PUDP: variants seen among roughly 807,000 people sequenced by gnomAD.
The protein encoded by PUDP is pseudouridine 5'-phosphatase.
PUDP carries 8 observed loss-of-function variants against 9.4 expected under a neutral mutation model. The ratio of observed to expected loss-of-function variants is 0.85; its 90% CI spans 0.50 to 1.53. PUDP has a LOEUF of 1.53. Among genes scored for constraint, PUDP ranks in the 40% most tolerant of loss-of-function variants. The probability of loss-of-function intolerance (pLI) is 0.00; values close to 1 mark genes in which losing one functional copy is unlikely to be tolerated. For synonymous variants in PUDP, 99 were observed against 80.7 expected (o/e 1.23, Z -1.22); for missense variants, 188 against 189.7 (o/e 0.99, Z 0.05).
chrX:6,732,641 GGGGAGGAAGGAAGGTAAAAGTAA>G (rs1417183688), intron 3 of PUDP, among the ~76,000 whole-genome samples: 1 of 105,887 alleles, frequency 9.4e-6, no homozygotes, highest in Non-Finnish European at 1.9e-5. Flanking sequence ...AGAGGAAGGA[GGGGAGGAAGGAAGGTAAAAGTAA>G]GGGAGGAAGG....
intron 2 of PUDP, among the ~76,000 whole-genome samples, chrX:7,080,024 C>T (rs895400092): frequency 2.7e-5 from 3 of 111,438 alleles, no homozygotes; most frequent in African/African-American, 9.8e-5. Context: ...ATACAGAAAA[C>T]CAACTAAATC....
chrX:7,024,433 C>T (rs1281980530), intron 1 of PUDP, among the ~76,000 whole-genome samples: 2 of 111,406 alleles, frequency 1.8e-5, no homozygotes, highest in East Asian at 5.6e-4. Context: ...TCTACATCTA[C>T]TAAGATGATC....
At chrX:7,014,220 T>G (rs1365991508) in intron 1 of PUDP, among the ~76,000 whole-genome samples, 6 of 110,349 alleles carry the variant, frequency 5.4e-5, no homozygotes, top group African/African-American at 2.0e-4. Context: ...GCCTGGGGTT[T>G]GGGGTTTATA....
At position 7,050,306 on chromosome X, in the gene PUDP, G is replaced by A. The variant is rs185423088; in HGVS notation, c.677C>T (p.Ser226Phe). The change falls in exon 4 of 4, where the codon TCC becomes TTC. Residue 226 changes from serine to phenylalanine, a missense_variant. Ser to Phe is a radical substitution (Grantham distance 155, BLOSUM62 -2). Transcript: ENST00000381077. ...DFQPELFGLP[S>F]YE Reference sequence around the variant, plus strand: ...CTGAGGCCCTCCCTCTCACTCATAGGAGGGCAAACCAAACAGCTCGGGCTG... The same window carrying A: ...CTGAGGCCCTCCCTCTCACTCATAGAAGGGCAAACCAAACAGCTCGGGCTG... 3 of 1,209,250 alleles carry A rather than the reference G, an allele frequency of 2.5e-6. No homozygotes were observed. The highest frequency in any genetic ancestry group is 1.7e-5 in the African/African-American group (1 of 57,216).
intron 3 of PUDP, among the ~76,000 whole-genome samples, chrX:6,805,028 AG>A (rs1485288196): frequency 9.0e-6 from 1 of 111,516 alleles, no homozygotes; most frequent in African/African-American, 3.3e-5. Flanking sequence ...GCACTTCAGG[AG>A]GTTGAGGCAG....
intron 3 of PUDP, among the ~76,000 whole-genome samples, chrX:6,894,042 G>T (rs764131598): frequency 9.0e-6 from 1 of 111,628 alleles, no homozygotes; most frequent in South Asian, 3.8e-4. Flanking sequence ...AGTGGGAGCT[G>T]ATGGATGAGA....
chrX:6,759,709 T>C (rs192355556), intron 3 of PUDP, among the ~76,000 whole-genome samples: 82 of 112,173 alleles, frequency 7.3e-4, no homozygotes, highest in African/African-American at 2.6e-3. Flanking sequence ...CATGGTTTTA[T>C]TCTGATCTTT....
chrX:7,045,604 T>C (rs1929973720), downstream of PUDP, among the ~76,000 whole-genome samples: 1 of 112,232 alleles, frequency 8.9e-6, no homozygotes, highest in Admixed American at 9.4e-5. Context: ...GAGTTTGCTT[T>C]TTTTCTGTTT....
intron 1 of PUDP, among the ~76,000 whole-genome samples, chrX:7,123,786 A>G (rs1381668744): frequency 8.9e-6 from 1 of 112,122 alleles, no homozygotes; most frequent in Non-Finnish European, 1.9e-5. Flanking sequence ...ACTAAAAAAA[A>G]CCAAACAATT....
At chrX:7,078,828 G>A (rs991663115) in intron 2 of PUDP, among the ~76,000 whole-genome samples, 1 of 111,376 alleles carries the variant, frequency 9.0e-6, no homozygotes, top group Non-Finnish European at 1.9e-5. Context: ...TAAAGCAAAT[G>A]AAATCAAGCA....
rs1038716073 is a variant in PUDP at position 6,846,180 on chromosome X, G to A, written c.*247+130953C>T. Among the ~76,000 whole-genome samples the A allele has an allele frequency of 1.7e-4, 19 of 110,429 alleles. 1 individual carries two copies. The highest frequency in any genetic ancestry group is 3.2e-4 in the Non-Finnish European group (17 of 52,812). ...CTCTGGGAGGCCGAGGCGGGCGGGC[G>A]GATCACGAGGTCAGGAGATCGAGAC... On this transcript the variant is annotated intron_variant and NMD_transcript_variant, in intron 3 of 3. Coordinates refer to the PUDP transcript ENST00000655425.
intron 3 of PUDP, among the ~76,000 whole-genome samples, chrX:6,887,098 T>A (rs1176322511): frequency 1.0e-5 from 1 of 99,341 alleles, no homozygotes; most frequent in Non-Finnish European, 2.0e-5. Flanking sequence ...AAATTATATA[T>A]AATATATAAT....
chrX:6,750,078 C>T (rs374012021), intron 3 of PUDP, among the ~76,000 whole-genome samples: 11 of 111,988 alleles, frequency 9.8e-5, no homozygotes, highest in African/African-American at 2.9e-4. Context: ...ACTCGTTGAA[C>T]GTTTGCTGTG....
chrX:7,015,957 C>T (rs1421152588), intron 1 of PUDP, among the ~76,000 whole-genome samples: 2 of 110,194 alleles, frequency 1.8e-5, no homozygotes, highest in Non-Finnish European at 1.9e-5. Flanking sequence ...TTATGGCTGG[C>T]TTTGGGGAAA....
intron 1 of PUDP, among the ~76,000 whole-genome samples, chrX:7,125,460 C>A (rs1446917762): frequency 9.0e-6 from 1 of 111,513 alleles, no homozygotes; most frequent in African/African-American, 3.3e-5. Context: ...TATCCCTAGG[C>A]CTTTTGAATT....
chrX:6,779,359 G>A, intron 3 of PUDP, among the ~76,000 whole-genome samples: 1 of 112,050 alleles, frequency 8.9e-6, no homozygotes. Flanking sequence ...AAGCTTTGCT[G>A]TGCCCCAGAG....
intron 3 of PUDP, among the ~76,000 whole-genome samples, chrX:6,836,328 T>C (rs1199273974): frequency 1.8e-5 from 2 of 111,961 alleles, no homozygotes; most frequent in Non-Finnish European, 3.8e-5. Context: ...TACCAATTTA[T>C]CATGTCATAG....
intron 1 of PUDP, among the ~76,000 whole-genome samples, chrX:7,114,062 C>CTT (rs770214357): frequency 4.1e-4 from 45 of 109,594 alleles, no homozygotes; most frequent in Non-Finnish European, 7.8e-4. Flanking sequence ...CTCTCTCTCT[C>CTT]TCTTTTTCTT....
intron 3 of PUDP, among the ~76,000 whole-genome samples, chrX:6,937,691 A>T (rs1308088139): frequency 1.3e-5 from 1 of 74,406 alleles, no homozygotes; most frequent in South Asian, 8.7e-4. Context: ...CAGAGTGAAC[A>T]GGCAACCTAC....
Sources: gnomAD v4.1 joint callset for allele counts (sites outside exome capture counted in the v4.1 genomes callset) on GRCh38, gnomAD v4.1.1 for gene constraint, MANE v1.5 for transcripts, NCBI Gene and HGNC (gene_info 2026-07-23, HGNC 2026-07-21) for gene names.